Variants in DOK1 observed in about 807,000 individuals in gnomAD.
DOK1 encodes docking protein 1, also known as Downstream of tyrosine kinase 1.
Under a neutral mutation model 24.0 loss-of-function variants are expected in DOK1, and 12 were observed. That is an observed-to-expected ratio of 0.50 (90% CI 0.32 to 0.81). The LOEUF (loss-of-function observed/expected upper bound fraction) is 0.81. Among genes scored for constraint, DOK1 ranks in the 30% least tolerant of loss-of-function variants. The pLI is 0.03. For missense variants in DOK1, 591 were observed against 620.7 expected, an observed-to-expected ratio of 0.95 and a Z score of 0.51; for synonymous variants, 250 against 260.9, an observed-to-expected ratio of 0.96 and a Z score of 0.40.
upstream of DOK1, chr2:74,550,332 G>T: frequency 6.2e-7 from 1 of 1,613,772 alleles, no homozygotes; most frequent in Middle Eastern, 1.7e-4. Flanking sequence ...AGCTCAAGTT[G>T]TCCAGCCAGA....
Position 74,555,492 on chromosome 2 carries a change from G to GA in DOK1, c.360+40dup. 6.2e-7 allele frequency: 1 copy of GA among 1,610,108 alleles called. No individual in the cohort carries two copies. Among genetic ancestry groups the GA allele is most frequent in the Non-Finnish European group, 8.5e-7 (1 of 1,178,580 alleles). ...GCGATGCGGGGTGGGGGCAGTTACA[G>GA]AGGCAGAGAAATGGGGCTGCCTCAG... On this transcript the variant is annotated intron_variant, in intron 2 of 4. Transcript: ENST00000233668. This position sits in a 1 kb window ranked among gnomAD's most constrained non-coding sequence, Gnocchi z 6.1.
Position 74,555,561 on chromosome 2 carries a change from G to GCTCT in DOK1, c.361-11_361-8dup, listed in dbSNP as rs143285203. 0.016 allele frequency: 25,108 copies of GCTCT among 1,614,076 alleles called. 1,308 individuals carry two copies. The African/African-American group carries it at 0.18, about 11-fold the overall frequency. ...CTGAGGAAATTACGGGTTTCTCGAT[G>GCTCT]CTCTCTACTACAGAAAGGCAGCTGG... On this transcript the variant is annotated splice_polypyrimidine_tract_variant and intron_variant, in intron 2 of 4. Transcript: ENST00000233668. The surrounding 1 kb of genome is among the most constrained non-coding windows in gnomAD (Gnocchi z 6.1).
Position 74,555,128 on chromosome 2 carries a change from C to T in DOK1, c.61-26C>T. 1 of 1,594,668 alleles carries T rather than the reference C, an allele frequency of 6.3e-7. No individual in the cohort carries two copies. Among genetic ancestry groups the T allele is most frequent in the Non-Finnish European group, 8.6e-7 (1 of 1,169,378 alleles). On this transcript the variant is annotated intron_variant, in intron 1 of 4. Transcript: ENST00000233668. This position sits in a 1 kb window ranked among gnomAD's most constrained non-coding sequence, Gnocchi z 6.1. ...GGGCCGCCTGCGCACGCCACTCCCT[C>T]TCGAGCACTCTCTCTCTCTCCCTAG...
upstream of DOK1, chr2:74,550,403 T>A: frequency 6.4e-7 from 1 of 1,570,088 alleles, no homozygotes; most frequent in South Asian, 1.2e-5. Context: ...GATGGGGGAG[T>A]AATGGGGATG....
rs550073039 is a variant in DOK1 at position 74,555,493 on chromosome 2, A to G, written c.360+40A>G. 28 of 1,610,162 alleles carry G rather than the reference A, an allele frequency of 1.7e-5. No homozygotes were observed. Among genetic ancestry groups the G allele is most frequent in the African/African-American group, 1.5e-4 (11 of 75,002 alleles). On this transcript the variant is annotated intron_variant, in intron 2 of 4. Transcript: ENST00000233668. The surrounding 1 kb of genome is among the most constrained non-coding windows in gnomAD (Gnocchi z 6.1). ...CGATGCGGGGTGGGGGCAGTTACAG[A>G]GGCAGAGAAATGGGGCTGCCTCAGA...
Position 74,555,495 on chromosome 2 carries a change from G to A in DOK1, c.360+42G>A. 1 of 1,610,266 alleles carries A rather than the reference G, an allele frequency of 6.2e-7. No individual in the cohort carries two copies. The highest frequency in any genetic ancestry group is 8.5e-7 in the Non-Finnish European group (1 of 1,178,628). On this transcript the variant is annotated intron_variant, in intron 2 of 4. Coordinates refer to ENST00000233668, the MANE Select transcript of DOK1 (RefSeq NM_001381.5). This position sits in a 1 kb window ranked among gnomAD's most constrained non-coding sequence, Gnocchi z 6.1. ...ATGCGGGGTGGGGGCAGTTACAGAG[G>A]CAGAGAAATGGGGCTGCCTCAGACC... is the stretch of plus-strand genomic sequence containing the variant.
At chr2:74,552,604 G>T (rs761181300), upstream of DOK1, 6 of 1,585,130 alleles carry the variant, frequency 3.8e-6, no homozygotes, top group Non-Finnish European at 5.2e-6. Context: ...AGCCCCCAGG[G>T]GCTCCACTGC....
upstream of DOK1, among the ~76,000 whole-genome samples, chr2:74,553,570 C>G (rs1466941795): frequency 1.3e-5 from 2 of 152,222 alleles, no homozygotes; most frequent in Non-Finnish European, 2.9e-5. Flanking sequence ...CAACATGCTT[C>G]CCCCAACCCA....
At chr2:74,550,714 C>A (rs1685079329), upstream of DOK1, among the ~76,000 whole-genome samples, 2 of 152,182 alleles carry the variant, frequency 1.3e-5, no homozygotes, top group East Asian at 1.9e-4. Flanking sequence ...ATTCTTAGAA[C>A]AGAGCTGCCA....
Position 74,555,830 on chromosome 2 carries a change from C to T in DOK1, c.455-64C>T. 11 of 1,581,748 alleles carry T rather than the reference C, an allele frequency of 7.0e-6. No individual in the cohort carries two copies. The highest frequency in any genetic ancestry group is 9.5e-6 in the Non-Finnish European group (11 of 1,163,320). ...TGCTTGGACACTATGCTCATGAGTC[C>T]TCTGGGTCCCCACTGCTGCCCCCGT... On this transcript the variant is annotated intron_variant, in intron 3 of 4. Transcript: ENST00000233668. The surrounding 1 kb of genome is among the most constrained non-coding windows in gnomAD (Gnocchi z 6.1).
At position 74,556,242 on chromosome 2, in the gene DOK1, T is replaced by C; in HGVS notation, c.640-66T>C. On this transcript the variant is annotated intron_variant, in intron 4 of 4. Coordinates refer to ENST00000233668, the MANE Select transcript of DOK1 (RefSeq NM_001381.5). This position sits in a 1 kb window ranked among gnomAD's most constrained non-coding sequence, Gnocchi z 4.1. ...TCTTCTTTGTAGATACCCTAACTAGTGCAGGCGTGTGACTCACTTCCTCTG... is the reference window on the plus strand; with the variant it reads ...TCTTCTTTGTAGATACCCTAACTAGCGCAGGCGTGTGACTCACTTCCTCTG... 2.5e-6 allele frequency: 4 copies of C among 1,568,716 alleles called. No individual in the cohort carries two copies. Among genetic ancestry groups the C allele is most frequent in the South Asian group, 1.2e-5 (1 of 83,596 alleles).
chr2:74,554,611 C>T (rs1677261696), upstream of DOK1: 1 of 730,158 alleles, frequency 1.4e-6, no homozygotes. This position sits in a 1 kb window ranked among gnomAD's most constrained non-coding sequence, Gnocchi z 4.9. Context: ...CTTCTCGCTC[C>T]TCTCCCTCAC....
upstream of DOK1, chr2:74,554,623 C>A: frequency 1.2e-6 from 1 of 815,890 alleles, no homozygotes; most frequent in Non-Finnish European, 1.9e-6. The surrounding 1 kb of genome is among the most constrained non-coding windows in gnomAD (Gnocchi z 4.9). Flanking sequence ...CTCCCTCACC[C>A]CACCGCGACC....
Position 74,549,146 on chromosome 2 carries a change from CGGGAG to C in DOK1, c.-383_-379del. On this transcript the variant is annotated 5_prime_UTR_variant, in exon 1 of 5. Coordinates refer to the DOK1 transcript ENST00000409429. This position sits in a 1 kb window ranked among gnomAD's most constrained non-coding sequence, Gnocchi z 5.3. The stretch of plus-strand genomic sequence containing the variant: ...CGCCCAGGCGTCGGCCACGAGAGAG[CGGGAG>C]CCTCGCTGGTCCCCATTTCAGGTAC... 1 of 429,870 alleles carries C rather than the reference CGGGAG, an allele frequency of 2.3e-6. No individual in the cohort carries two copies. Among genetic ancestry groups the C allele is most frequent in the Non-Finnish European group, 4.0e-6 (1 of 251,326 alleles). 26.6% of individuals were successfully genotyped at this position (429,870 alleles called of 1,614,324 possible).
Position 74,556,159 on chromosome 2 carries a change from ACCTTTGGATCC to A in DOK1, c.639+84_639+94del. 1.3e-6 allele frequency: 2 copies of A among 1,530,294 alleles called. No homozygotes were observed. Among genetic ancestry groups the A allele is most frequent in the Non-Finnish European group, 1.8e-6 (2 of 1,139,200 alleles). The allele number at this position is 1,530,294 out of a possible 1,614,324, so 94.8% of individuals were successfully genotyped here. A position where few individuals can be genotyped will look rare whatever the true frequency, so the allele number is the denominator to read the frequency against. On this transcript the variant is annotated intron_variant, in intron 4 of 4. Coordinates refer to ENST00000233668, the MANE Select transcript of DOK1 (RefSeq NM_001381.5). This position sits in a 1 kb window ranked among gnomAD's most constrained non-coding sequence, Gnocchi z 4.1. ...GCAGGACAGAAAGTGGGAAGCTCTG[ACCTTTGGATCC>A]CCCTTTCTTGCCTACCCGGTGACCC...
At position 74,555,688 on chromosome 2, in the gene DOK1, G is replaced by C; in HGVS notation, c.454+20G>C. The stretch of plus-strand genomic sequence containing the variant: ...GGGAAGGTAGACGCCTCAGAAGCCC[G>C]GGCAGGGATGGAGTGAAGAGGAGGA... On this transcript the variant is annotated intron_variant, in intron 3 of 4. Coordinates refer to ENST00000233668, the MANE Select transcript of DOK1 (RefSeq NM_001381.5). The surrounding 1 kb of genome is among the most constrained non-coding windows in gnomAD (Gnocchi z 6.1). 1.9e-6 allele frequency: 3 copies of C among 1,613,490 alleles called. No homozygotes were observed. Among genetic ancestry groups the C allele is most frequent in the Non-Finnish European group, 2.5e-6 (3 of 1,179,826 alleles).
In DOK1 at chr2:74,554,902, A is replaced by T; in HGVS notation, c.60+88A>T. ...CAGGGAGAGGTGGGCAGCGGGCTGG[A>T]GAGCGGCGCCGGGAGTTGGAGAGCC... On this transcript the variant is annotated intron_variant, in intron 1 of 4. Transcript: ENST00000233668. The surrounding 1 kb of genome is among the most constrained non-coding windows in gnomAD (Gnocchi z 4.9). The T allele has an allele frequency of 1.9e-6, 3 of 1,578,010 alleles. No individual in the cohort carries two copies. The highest frequency in any genetic ancestry group is 2.6e-6 in the Non-Finnish European group (3 of 1,160,660).
Position 74,557,252 on chromosome 2 carries a change from G to C in DOK1, c.*138G>C, listed in dbSNP as rs2104477004. 1.1e-6 allele frequency: 1 copy of C among 879,590 alleles called. No homozygotes were observed. Among genetic ancestry groups the C allele is most frequent in the South Asian group, 1.9e-5 (1 of 53,512 alleles). 54.5% of individuals were successfully genotyped at this position (879,590 alleles called of 1,614,324 possible). A position where few individuals can be genotyped will look rare whatever the true frequency, so the allele number is the denominator to read the frequency against. ...TGAGACCAGGGGACCAGAGGGATGG[G>C]AGAGTCAAGGGAAGGACAATCCCAG... On this transcript the variant is annotated 3_prime_UTR_variant, in exon 5 of 5. Coordinates refer to ENST00000233668, the MANE Select transcript of DOK1 (RefSeq NM_001381.5).
chr2:74,550,480 G>T, upstream of DOK1: 1 of 944,468 alleles, frequency 1.1e-6, no homozygotes, highest in East Asian at 2.5e-5. Context: ...GTATGATAAG[G>T]GGTGGAGACG....
Sources: gnomAD v4.1 joint callset for allele counts (sites outside exome capture counted in the v4.1 genomes callset) on GRCh38, gnomAD v4.1.1 for gene constraint, Gnocchi (gnomAD v3.1) non-coding constraint, MANE v1.5 for transcripts, NCBI Gene and HGNC (gene_info 2026-07-23, HGNC 2026-07-21) for gene names.